The following SPECC1 variants were observed in gnomAD, a reference collection of about 807,000 sequenced individuals.
The protein encoded by SPECC1 is sperm antigen with calponin homology and coiled-coil domains 1.
In SPECC1, 62 loss-of-function variants were observed where a neutral mutation model predicts 104.1. The ratio of observed to expected loss-of-function variants is 0.60; its 90% CI spans 0.49 to 0.74. SPECC1 has a LOEUF of 0.74. Ranked by LOEUF, SPECC1 falls within the 30% of genes least tolerant of loss-of-function variation. The pLI, the probability that SPECC1 is intolerant of heterozygous loss-of-function variation, is 0.00. For synonymous variants in SPECC1, 513 were observed against 501.6 expected (o/e 1.02, Z -0.30); for missense variants, 1,306 against 1,310.5 (o/e 1.00, Z 0.05).
chr17:20,136,512 C>T (rs2152554785), intron 3 of SPECC1, among the ~76,000 whole-genome samples: 1 of 151,114 alleles, frequency 6.6e-6, no homozygotes, highest in Middle Eastern at 3.5e-3. Context: ...TTTTTTGGAA[C>T]AAGTAAGACA....
At chr17:20,048,025 G>A (rs149529353) in intron 1 of SPECC1, among the ~76,000 whole-genome samples, 6 of 152,074 alleles carry the variant, frequency 3.9e-5, no homozygotes, top group South Asian at 2.1e-4. Flanking sequence ...TGACTCATCC[G>A]TTACCTTCCT....
chr17:20,219,747 T>A (rs1392869421), intron 4 of SPECC1, among the ~76,000 whole-genome samples: 1 of 152,218 alleles, frequency 6.6e-6, no homozygotes, highest in Non-Finnish European at 1.5e-5. Context: ...CAAGAAATCA[T>A]TGCCCAGATC....
At chr17:20,267,630 G>C (rs1341392406) in intron 12 of SPECC1, among the ~76,000 whole-genome samples, 2 of 152,156 alleles carry the variant, frequency 1.3e-5, no homozygotes, top group Admixed American at 1.3e-4. Context: ...GTGGTTTGAA[G>C]AGGGAGGGGG....
chr17:20,022,700 T>C (rs1210683710), intron 1 of SPECC1, among the ~76,000 whole-genome samples: 1 of 152,226 alleles, frequency 6.6e-6, no homozygotes, highest in Non-Finnish European at 1.5e-5. Flanking sequence ...CTGGGCTGCC[T>C]ACCCACCTGT....
intron 1 of SPECC1, among the ~76,000 whole-genome samples, chr17:20,087,628 C>T (rs1387884255): frequency 2.6e-5 from 4 of 151,978 alleles, no homozygotes; most frequent in Non-Finnish European, 5.9e-5. Context: ...TGCATGTTTT[C>T]AGTGAAAGCC....
At chr17:20,227,202 A>G (rs558896261) in intron 4 of SPECC1, among the ~76,000 whole-genome samples, 5 of 152,330 alleles carry the variant, frequency 3.3e-5, no homozygotes, top group South Asian at 2.1e-4. Context: ...GAAACAGCAC[A>G]TGCCAAGGGC....
chr17:20,165,778 G>A (rs996398984), intron 3 of SPECC1, among the ~76,000 whole-genome samples: 1 of 152,134 alleles, frequency 6.6e-6, no homozygotes, highest in South Asian at 2.1e-4. Flanking sequence ...GTTTTGATGT[G>A]CATTTTTCTA....
intron 11 of SPECC1, among the ~76,000 whole-genome samples, chr17:20,259,774 G>T (rs2039960815): frequency 6.6e-6 from 1 of 152,114 alleles, no homozygotes; most frequent in Non-Finnish European, 1.5e-5. Flanking sequence ...GGCTCGTAAA[G>T]TTCTGGGATT....
intron 3 of SPECC1, among the ~76,000 whole-genome samples, chr17:20,168,953 A>G (rs944320894): frequency 6.6e-6 from 1 of 152,154 alleles, no homozygotes; most frequent in African/African-American, 2.4e-5. Context: ...GCTCACTGCA[A>G]CCTGTGCCTT....
intron 4 of SPECC1, among the ~76,000 whole-genome samples, chr17:20,226,924 A>G (rs975315467): frequency 1.3e-4 from 20 of 152,256 alleles, no homozygotes; most frequent in Middle Eastern, 6.8e-3. Context: ...TTCACAGCTC[A>G]GCAGCAGAGG....
intron 3 of SPECC1, among the ~76,000 whole-genome samples, chr17:20,167,214 CTATA>C (rs1042362473): frequency 2.0e-5 from 3 of 146,548 alleles, no homozygotes; most frequent in Non-Finnish European, 3.0e-5. Context: ...TATATATATA[CTATA>C]TATATAATGT....
intron 2 of SPECC1, among the ~76,000 whole-genome samples, chr17:20,098,924 G>A (rs1246756370): frequency 6.6e-6 from 1 of 152,150 alleles, no homozygotes; most frequent in East Asian, 1.9e-4. Flanking sequence ...TACCTGGTAG[G>A]CACTCAGTAT....
At chr17:20,080,761 G>T (rs2046938303) in intron 1 of SPECC1, among the ~76,000 whole-genome samples, 1 of 152,126 alleles carries the variant, frequency 6.6e-6, no homozygotes, top group Non-Finnish European at 1.5e-5. Flanking sequence ...TGCATGGGAG[G>T]AGCCCCAGGA....
chr17:20,102,619 A>G (rs1274118974), intron 2 of SPECC1, among the ~76,000 whole-genome samples: 1 of 152,178 alleles, frequency 6.6e-6, no homozygotes. Context: ...CTGGTGCATC[A>G]CAGGCAGGCA....
intron 3 of SPECC1, among the ~76,000 whole-genome samples, chr17:20,167,829 G>A (rs1171421469): frequency 6.6e-6 from 1 of 152,106 alleles, no homozygotes; most frequent in Non-Finnish European, 1.5e-5. Context: ...ATATTACAGA[G>A]GATATAATAA....
intron 3 of SPECC1, among the ~76,000 whole-genome samples, chr17:20,169,936 C>T (rs904656924): frequency 1.3e-5 from 2 of 152,138 alleles, no homozygotes; most frequent in Non-Finnish European, 2.9e-5. Context: ...TTATATGGCT[C>T]CAATCAGATC....
intron 4 of SPECC1, among the ~76,000 whole-genome samples, chr17:20,208,730 T>C (rs1296054732): frequency 6.6e-6 from 1 of 152,264 alleles, no homozygotes; most frequent in African/African-American, 2.4e-5. Flanking sequence ...TTAATTATGA[T>C]GTATGTTTTT....
chr17:20,193,067 A>G (rs928132566), intron 3 of SPECC1, among the ~76,000 whole-genome samples: 1 of 152,200 alleles, frequency 6.6e-6, no homozygotes, highest in Non-Finnish European at 1.5e-5. Context: ...TTTTAATGAT[A>G]TGCTAAACAA....
chr17:20,110,360 CTTGTT>C lies in SPECC1; in HGVS notation c.148-65_148-61del, dbSNP rs2048424301. The C allele has an allele frequency of 2.6e-6, 4 of 1,525,810 alleles. No homozygotes were observed. In the East Asian group the frequency reaches 7.0e-5, roughly 27 times the overall value. The allele number at this position is 1,525,810 out of a possible 1,614,324, so 94.5% of individuals were successfully genotyped here. ...CACATAGCCCAGCTCCCATGCTCTG[CTTGTT>C]TATAGCGCTCCTTCCTGAAAACCAC... On this transcript the variant is annotated intron_variant, in intron 2 of 14. Transcript: ENST00000395527.
Sources: allele counts gnomAD v4.1 joint callset (sites outside exome capture counted in the v4.1 genomes callset), GRCh38; gene constraint gnomAD v4.1.1; transcripts MANE v1.5; gene names NCBI Gene and HGNC (gene_info 2026-07-23, HGNC 2026-07-21).